The following SLC9C1 variants were observed in gnomAD, a reference collection of about 807,000 sequenced individuals.
SLC9C1 encodes solute carrier family 9 member C1, also known as sodium/hydrogen exchanger 10.
SLC9C1 carries 97 observed loss-of-function variants against 140.9 expected under a neutral mutation model. That is an observed-to-expected ratio of 0.69 (90% confidence interval 0.58 to 0.82). SLC9C1 has a LOEUF of 0.82. Ranked by LOEUF, SLC9C1 falls within the 40% of genes least tolerant of loss-of-function variation. The pLI, the probability that SLC9C1 is intolerant of heterozygous loss-of-function variation, is 0.00. For synonymous variants in SLC9C1, 440 were observed against 442.6 expected, an observed-to-expected ratio of 0.99 and a Z score of 0.07; for missense variants, 1,340 against 1,389.3, an observed-to-expected ratio of 0.96 and a Z score of 0.56.
intron 10 of SLC9C1, among the ~76,000 whole-genome samples, chr3:112,254,522 T>A (rs78829615): frequency 3.3e-5 from 5 of 151,822 alleles, no homozygotes; most frequent in Admixed American, 2.6e-4. Flanking sequence ...AAATTTTTTT[T>A]ATTTCAGATA....
At chr3:112,185,447 A>G in intron 20 of SLC9C1, 3 of 1,563,698 alleles carry the variant, frequency 1.9e-6, no homozygotes, top group African/African-American at 1.4e-5. Context: ...CAGCCCCTCT[A>G]TGAAACAGTT....
intron 10 of SLC9C1, among the ~76,000 whole-genome samples, chr3:112,261,393 G>A (rs1276669005): frequency 2.6e-5 from 4 of 151,962 alleles, no homozygotes; most frequent in Admixed American, 1.3e-4. Flanking sequence ...TACAATATAC[G>A]AGGCTTATTT....
chr3:112,143,816 T>A (rs1017436725), intron 28 of SLC9C1, among the ~76,000 whole-genome samples: 15 of 152,220 alleles, frequency 9.9e-5, no homozygotes, highest in Admixed American at 9.8e-4. Context: ...CCAAGGCCAG[T>A]GTCGAGAATA....
chr3:112,177,083 T>C (rs984635653), intron 23 of SLC9C1, among the ~76,000 whole-genome samples: 1 of 149,488 alleles, frequency 6.7e-6, no homozygotes, highest in Non-Finnish European at 1.5e-5. Flanking sequence ...CTCAGCTTAC[T>C]GCAACCTCTG....
chr3:112,263,908 G>A (rs2079844951), intron 9 of SLC9C1, among the ~76,000 whole-genome samples: 1 of 151,656 alleles, frequency 6.6e-6, no homozygotes, highest in Non-Finnish European at 1.5e-5. Flanking sequence ...GCAAAAACAA[G>A]ATTTTTATTT....
At chr3:112,213,518 C>G (rs1200773587) in intron 15 of SLC9C1, among the ~76,000 whole-genome samples, 3 of 151,986 alleles carry the variant, frequency 2.0e-5, no homozygotes, top group African/African-American at 7.3e-5. Flanking sequence ...GAAGATCTAC[C>G]AAGCAGATGG....
intron 2 of SLC9C1, among the ~76,000 whole-genome samples, chr3:112,283,607 G>T: frequency 6.6e-6 from 1 of 152,006 alleles, no homozygotes; most frequent in East Asian, 1.9e-4. Context: ...TCAGGATTAG[G>T]CTTTGACAGT....
At position 112,231,362 on chromosome 3, in the gene SLC9C1, A is replaced by ATTCTCT; in HGVS notation, c.1570_1571insAGAGAA (p.Gln523_Ile524insLysArg). The ATTCTCT allele has an allele frequency of 1.2e-6, 2 of 1,613,040 alleles. No individual in the cohort carries two copies. The highest frequency in any genetic ancestry group is 4.5e-5 in the East Asian group (2 of 44,826). ...TTTCAAAAGAGAATAATACAGTACT[A>ATTCTCT]TTTGTGCTGACAAGAGACGCCTGTT... On this transcript the variant is annotated inframe_insertion and splice_region_variant, in exon 13 of 29. Transcript: ENST00000305815.
In SLC9C1 at chr3:112,231,467, G is replaced by C; in HGVS notation, c.1466C>G (p.Thr489Arg). The change falls in exon 13 of 29, where the codon ACA (threonine) becomes AGA (arginine). Residue 489 changes from threonine (T) to arginine (R), a missense_variant. Physicochemically the swap from Thr to Arg is moderately conservative, Grantham distance 71 (BLOSUM62 -1). Coordinates refer to ENST00000305815, the MANE Select transcript of SLC9C1 (RefSeq NM_183061.3). ...NPYMLNEEET[T>R]EHQKVKCPHC... is the part of the protein sequence containing the mutation. ...TGGACATTTCACCTTCTGATGTTCT[G>C]TTGTTTCTTCTTCGTTCAACTAAAT... is the stretch of plus-strand genomic sequence containing the variant. 6.2e-7 allele frequency: 1 copy of C among 1,611,410 alleles called. No homozygotes were observed. The highest frequency in any genetic ancestry group is 8.5e-7 in the Non-Finnish European group (1 of 1,178,680).
chr3:112,246,504 T>G (rs2079289145), intron 10 of SLC9C1, among the ~76,000 whole-genome samples: 1 of 152,144 alleles, frequency 6.6e-6, no homozygotes, highest in South Asian at 2.1e-4. Flanking sequence ...CCTATCATAC[T>G]CCAGCAAAGC....
At chr3:112,211,888 G>C (rs901649734) in intron 15 of SLC9C1, among the ~76,000 whole-genome samples, 3 of 152,230 alleles carry the variant, frequency 2.0e-5, no homozygotes, top group Non-Finnish European at 2.9e-5. Flanking sequence ...TCTGAGATCT[G>C]AGAACGGACA....
At chr3:112,159,549 A>G (rs1489421086) in intron 26 of SLC9C1, among the ~76,000 whole-genome samples, 1 of 152,116 alleles carries the variant, frequency 6.6e-6, no homozygotes, top group Non-Finnish European at 1.5e-5. Flanking sequence ...CAGTTGAATG[A>G]AATACTCTGT....
At chr3:112,164,605 C>T (rs1027523601) in intron 26 of SLC9C1, among the ~76,000 whole-genome samples, 1 of 151,022 alleles carries the variant, frequency 6.6e-6, no homozygotes, top group Non-Finnish European at 1.5e-5. Flanking sequence ...TTGGCCCCCA[C>T]TCTCTTCTTG....
In SLC9C1 at chr3:112,200,725, G is replaced by C. The variant is rs778221593; in HGVS notation, c.2360C>G (p.Ala787Gly). The change falls in exon 19 of 29, where the codon GCT (alanine) becomes GGT (glycine). Residue 787 changes from alanine (A) to glycine (G), a missense_variant. Coordinates refer to ENST00000305815, the MANE Select transcript of SLC9C1 (RefSeq NM_183061.3). The stretch of plus-strand genomic sequence containing the variant: ...GAGCTACTTACCTAGCTCTTTTATA[G>C]CATGTTCCATATTCCTTATCACTTG... ...LKQVIRNMEH[A>G]IKELGYLEYD... is the part of the protein sequence containing the mutation. 36 of 1,609,502 alleles carry C rather than the reference G, an allele frequency of 2.2e-5. No homozygotes were observed. Among genetic ancestry groups the C allele is most frequent in the Non-Finnish European group, 6.8e-6 (8 of 1,178,020 alleles).
intron 28 of SLC9C1, 44 bp downstream of exon 28, chr3:112,151,813 A>G (rs1343780176): frequency 3.3e-6 from 5 of 1,506,406 alleles, no homozygotes; most frequent in Admixed American, 1.7e-5. Flanking sequence ...ATCTCCAGGG[A>G]CAGATGTGCT....
At chr3:112,204,426 C>T in intron 16 of SLC9C1, 23 bp from the exon 17 acceptor site, 1 of 1,538,144 alleles carries the variant, frequency 6.5e-7, no homozygotes, top group East Asian at 2.5e-5. Flanking sequence ...AAGGAAATTA[C>T]ATTATCATGT....
At chr3:112,158,164 G>A (rs1041341836) in intron 26 of SLC9C1, among the ~76,000 whole-genome samples, 2 of 151,834 alleles carry the variant, frequency 1.3e-5, no homozygotes, top group African/African-American at 4.8e-5. Context: ...TGCCACATAT[G>A]TCACATTTAT....
chr3:112,152,403 T>A (rs938558825), intron 27 of SLC9C1, among the ~76,000 whole-genome samples: 23 of 152,192 alleles, frequency 1.5e-4, no homozygotes, highest in Non-Finnish European at 3.1e-4. Flanking sequence ...GCTGCCAGCA[T>A]GTCTCACCTC....
At chr3:112,284,111 G>A (rs2080436440) in intron 2 of SLC9C1, among the ~76,000 whole-genome samples, 1 of 152,254 alleles carries the variant, frequency 6.6e-6, no homozygotes, top group African/African-American at 2.4e-5. Context: ...GATGTGATTA[G>A]ATTTGAAAGT....
Sources: gnomAD v4.1 joint callset for allele counts (sites outside exome capture counted in the v4.1 genomes callset) on GRCh38, gnomAD v4.1.1 for gene constraint, MANE v1.5 for transcripts, NCBI Gene and HGNC (gene_info 2026-07-23, HGNC 2026-07-21) for gene names.